The following STXBP6 variants were observed in gnomAD, a reference collection of about 807,000 sequenced individuals.
STXBP6 encodes the protein syntaxin-binding protein 6.
A neutral mutation model predicts 26.9 loss-of-function variants in STXBP6; 21 were observed. The ratio of observed to expected loss-of-function variants is 0.78; its 90% confidence interval spans 0.55 to 1.12. The LOEUF is 1.12. Ranked by LOEUF, STXBP6 falls within the 50% of genes most tolerant of loss-of-function variation. The pLI is 0.00. For synonymous variants in STXBP6, 97 were observed against 92.6 expected, an observed-to-expected ratio of 1.05 and a Z score of -0.27; for missense variants, 232 against 257.9, an observed-to-expected ratio of 0.90 and a Z score of 0.69.
intron 1 of STXBP6, among the ~76,000 whole-genome samples, chr14:25,001,304 A>C (rs549857896): frequency 5.7e-4 from 87 of 152,330 alleles, no homozygotes; most frequent in African/African-American, 2.0e-3. Context: ...TCATACATAC[A>C]GGGCATTCTG....
At chr14:24,958,310 G>A (rs982013869) in intron 2 of STXBP6, among the ~76,000 whole-genome samples, 3 of 151,904 alleles carry the variant, frequency 2.0e-5, no homozygotes, top group African/African-American at 4.8e-5. Context: ...TTCCTACCTC[G>A]AGGCAAAAAT....
chr14:24,947,797 A>G (rs1443440853), intron 2 of STXBP6, among the ~76,000 whole-genome samples: 1 of 152,206 alleles, frequency 6.6e-6, no homozygotes, highest in African/African-American at 2.4e-5. Context: ...ACATCCAAAC[A>G]GTCTTCTTGA....
intron 2 of STXBP6, among the ~76,000 whole-genome samples, chr14:24,915,970 T>C (rs1439223382): frequency 6.6e-6 from 1 of 152,152 alleles, no homozygotes; most frequent in East Asian, 1.9e-4. Flanking sequence ...CTATCTTTTG[T>C]AAAAATCATG....
At chr14:24,846,964 G>A (rs1251554318) in intron 4 of STXBP6, among the ~76,000 whole-genome samples, 1 of 152,114 alleles carries the variant, frequency 6.6e-6, no homozygotes, top group East Asian at 1.9e-4. Flanking sequence ...TTCCTGTATA[G>A]TTTCTCATAT....
At chr14:24,887,206 T>C (rs1348459007) in intron 2 of STXBP6, among the ~76,000 whole-genome samples, 1 of 152,244 alleles carries the variant, frequency 6.6e-6, no homozygotes, top group Non-Finnish European at 1.5e-5. Context: ...TCATTATGAC[T>C]TTTATAAAAA....
chr14:24,909,305 G>T (rs889193740), intron 2 of STXBP6, among the ~76,000 whole-genome samples: 2 of 152,182 alleles, frequency 1.3e-5, no homozygotes, highest in Non-Finnish European at 2.9e-5. Flanking sequence ...TGCGTGGAGC[G>T]CTTTCCAGTT....
At chr14:25,000,285 G>C (rs188480610) in intron 1 of STXBP6, among the ~76,000 whole-genome samples, 2 of 151,394 alleles carry the variant, frequency 1.3e-5, no homozygotes, top group South Asian at 4.2e-4. Flanking sequence ...GGATGGTCTC[G>C]ATCTCCTGAC....
intron 4 of STXBP6, among the ~76,000 whole-genome samples, chr14:24,832,394 T>G (rs1223326649): frequency 2.0e-5 from 3 of 152,212 alleles, no homozygotes; most frequent in Non-Finnish European, 4.4e-5. Flanking sequence ...CCTCACCTCA[T>G]AGACAGATTG....
chr14:24,823,346 TAAAC>T (rs2068194830), intron 4 of STXBP6, among the ~76,000 whole-genome samples: 1 of 152,010 alleles, frequency 6.6e-6, no homozygotes, highest in African/African-American at 2.4e-5. Context: ...TGAGAAGTGA[TAAAC>T]GAAGAGAAAG....
chr14:25,021,363 T>A (rs2075260035), intron 1 of STXBP6, among the ~76,000 whole-genome samples: 1 of 152,184 alleles, frequency 6.6e-6, no homozygotes, highest in Admixed American at 6.5e-5. Context: ...ATTCTTCCCA[T>A]CATCACTTCA....
At chr14:24,927,188 T>C (rs1328127374) in intron 2 of STXBP6, among the ~76,000 whole-genome samples, 1 of 152,226 alleles carries the variant, frequency 6.6e-6, no homozygotes, top group African/African-American at 2.4e-5. Flanking sequence ...AGACTGTTTA[T>C]GAATGCAGGA....
chr14:24,869,511 T>C (rs920174459), intron 2 of STXBP6, among the ~76,000 whole-genome samples: 2 of 152,208 alleles, frequency 1.3e-5, no homozygotes, highest in African/African-American at 4.8e-5. Flanking sequence ...ATGGCCTTGA[T>C]GAAGATTCAG....
intron 1 of STXBP6, among the ~76,000 whole-genome samples, chr14:24,998,721 C>T (rs999763378): frequency 1.4e-4 from 21 of 152,180 alleles, no homozygotes; most frequent in African/African-American, 4.6e-4. Context: ...AGTGTTACTA[C>T]GATCCAGGCC....
At chr14:24,950,066 A>G (rs1197821754) in intron 2 of STXBP6, among the ~76,000 whole-genome samples, 11 of 152,188 alleles carry the variant, frequency 7.2e-5, no homozygotes, top group Non-Finnish European at 1.6e-4. Flanking sequence ...AAACTCTACT[A>G]AATTTAGTCT....
chr14:24,813,272 C>T lies in STXBP6; in HGVS notation c.610-540G>A, dbSNP rs116068488. On this transcript the variant is annotated intron_variant, in intron 5 of 5. Transcript: ENST00000323944. The stretch of plus-strand genomic sequence containing the variant: ...ACGAGGGCCAAAACACACCAAATCC[C>T]GACTTTGATTTATGCCTTTCCCATT... Among the ~76,000 whole-genome samples, 893 of 152,248 alleles carry T rather than the reference C, an allele frequency of 5.9e-3. 8 individuals carry two copies. Among genetic ancestry groups the T allele is most frequent in the African/African-American group, 0.02 (851 of 41,526 alleles).
chr14:24,999,455 G>A (rs1238565470), intron 1 of STXBP6, among the ~76,000 whole-genome samples: 2 of 152,158 alleles, frequency 1.3e-5, no homozygotes, highest in African/African-American at 2.4e-5. Context: ...GATTGTCCAT[G>A]CTATTATCTA....
chr14:24,916,976 C>T (rs2071791245), intron 2 of STXBP6, among the ~76,000 whole-genome samples: 1 of 152,042 alleles, frequency 6.6e-6, no homozygotes, highest in African/African-American at 2.4e-5. Flanking sequence ...ACTTTCTTCC[C>T]AGGGTCAGCC....
intron 2 of STXBP6, among the ~76,000 whole-genome samples, chr14:24,901,140 C>T (rs1023796898): frequency 7.4e-5 from 7 of 94,864 alleles, no homozygotes; most frequent in Admixed American, 5.2e-4. Context: ...ACCGTATAGA[C>T]AGGATTTTTT....
chr14:24,930,399 C>T (rs2072340685), intron 2 of STXBP6, among the ~76,000 whole-genome samples: 1 of 152,192 alleles, frequency 6.6e-6, no homozygotes, highest in Non-Finnish European at 1.5e-5. Context: ...CTAATTATAA[C>T]AGATTTTATG....
Sources: allele counts gnomAD v4.1 joint callset (sites outside exome capture counted in the v4.1 genomes callset), GRCh38; gene constraint gnomAD v4.1.1; transcripts MANE v1.5; gene names NCBI Gene and HGNC (gene_info 2026-07-23, HGNC 2026-07-21).